C11orf71: variants seen among roughly 807,000 people sequenced by gnomAD.
C11orf71 encodes chromosome 11 open reading frame 71, also known as uncharacterized protein C11orf71.
For missense variants in C11orf71, 179 were observed against 167.6 expected (o/e 1.07, Z -0.38); for synonymous variants, 72 against 73.4 (o/e 0.98, Z 0.09).
downstream of C11orf71, among the ~76,000 whole-genome samples, chr11:114,395,041 T>C (rs1946120369): frequency 6.6e-6 from 1 of 151,682 alleles, no homozygotes; most frequent in African/African-American, 2.4e-5. Flanking sequence ...AGCCTATCCG[T>C]GAAGGTTATT....
At chr11:114,394,194 T>TTTTCC (rs1946097991), downstream of C11orf71, among the ~76,000 whole-genome samples, 1 of 45,334 alleles carries the variant, frequency 2.2e-5, no homozygotes, top group Non-Finnish European at 4.2e-5. Flanking sequence ...TTTTCTTTTC[T>TTTTCC]TTTCTTTTCT....
At chr11:114,397,760 A>C (rs1013298960), downstream of C11orf71, among the ~76,000 whole-genome samples, 3 of 152,180 alleles carry the variant, frequency 2.0e-5, no homozygotes, top group African/African-American at 7.2e-5. Flanking sequence ...ATGCATATTT[A>C]GTGCTGAATC....
At chr11:114,395,384 G>A (rs983589633), downstream of C11orf71, among the ~76,000 whole-genome samples, 11 of 152,192 alleles carry the variant, frequency 7.2e-5, no homozygotes, top group African/African-American at 2.7e-4. Flanking sequence ...GGTTAAGGGC[G>A]TTGCCACAGA....
At chr11:114,392,529 C>CAAAAAAAAAAAA (rs386374967) in intron 1 of C11orf71, among the ~76,000 whole-genome samples, 7 of 51,632 alleles carry the variant, frequency 1.4e-4, no homozygotes, top group Non-Finnish European at 2.0e-4. Flanking sequence ...TAGAATGAGA[C>CAAAAAAAAAAAA]AAAAAAAAAA....
At chr11:114,393,297 G>A (rs536442) in intron 1 of C11orf71, among the ~76,000 whole-genome samples, 5,072 of 152,270 alleles carry the variant, frequency 0.033, 279 homozygotes, top group African/African-American at 0.11. Flanking sequence ...AATTTTACAA[G>A]CTCAAGGTAG....
downstream of C11orf71, among the ~76,000 whole-genome samples, chr11:114,394,847 C>A (rs540493692): frequency 6.6e-6 from 1 of 151,312 alleles, no homozygotes; most frequent in Non-Finnish European, 1.5e-5. Context: ...TAGGAGCTAA[C>A]TTTAGGTTGT....
At position 114,400,211 on chromosome 11, in the gene C11orf71, A is replaced by C. The variant is rs1335785275; in HGVS notation, c.121T>G (p.Phe41Val). The C allele has an allele frequency of 6.2e-7, 1 of 1,613,156 alleles. No homozygotes were observed. The highest frequency in any genetic ancestry group is 1.7e-5 in the Admixed American group (1 of 59,892). The change falls in exon 1 of 1, where the codon TTC becomes GTC. Residue 41 changes from phenylalanine to valine, a missense_variant. Transcript: ENST00000623205. ...ATCGCTTCAGGCCTGGAAACGAGGAAGCCGTCTCCGGAGACCATCGCCAAC... is the reference window on the plus strand; with the variant it reads ...ATCGCTTCAGGCCTGGAAACGAGGACGCCGTCTCCGGAGACCATCGCCAAC... ...SALAMVSGDG[F>V]LVSRPEAIHL...
downstream of C11orf71, among the ~76,000 whole-genome samples, chr11:114,397,080 G>A (rs1946135854): frequency 6.6e-6 from 1 of 152,160 alleles, no homozygotes; most frequent in African/African-American, 2.4e-5. Flanking sequence ...AATAGAGGAA[G>A]TAAATATCTT....
chr11:114,396,653 A>C (rs1946133509), downstream of C11orf71, among the ~76,000 whole-genome samples: 1 of 152,252 alleles, frequency 6.6e-6, no homozygotes, highest in South Asian at 2.1e-4. Flanking sequence ...GGAAATAGGC[A>C]ATGAGGAAAG....
At chr11:114,391,923 T>A (rs529352839) in intron 1 of C11orf71, among the ~76,000 whole-genome samples, 2 of 152,096 alleles carry the variant, frequency 1.3e-5, no homozygotes, top group African/African-American at 4.8e-5. Context: ...TTTTTTTTTT[T>A]TAAAATAAAG....
At chr11:114,392,167 C>G (rs962496984) in intron 1 of C11orf71, among the ~76,000 whole-genome samples, 1 of 152,066 alleles carries the variant, frequency 6.6e-6, no homozygotes, top group African/African-American at 2.4e-5. Context: ...CTTTGGGAAG[C>G]TGAGACTGGC....
downstream of C11orf71, among the ~76,000 whole-genome samples, chr11:114,394,273 T>TGAGACGGAG (rs1565256738): frequency 1.3e-5 from 1 of 78,488 alleles, no homozygotes; most frequent in African/African-American, 7.3e-5. Flanking sequence ...TTTTCTTTTC[T>TGAGACGGAG]TTTCTTTTCT....
At chr11:114,394,217 TC>T (rs1368817374), downstream of C11orf71, among the ~76,000 whole-genome samples, 2 of 57,726 alleles carry the variant, frequency 3.5e-5, no homozygotes, top group African/African-American at 2.0e-4. Flanking sequence ...TCTTTTCTTT[TC>T]TTTTCTTTTC....
At chr11:114,394,651 G>A (rs771191119), downstream of C11orf71, among the ~76,000 whole-genome samples, 23 of 151,230 alleles carry the variant, frequency 1.5e-4, no homozygotes, top group East Asian at 3.9e-4. Flanking sequence ...CTTGTGATCC[G>A]GACTCCTCGG....
At chr11:114,394,244 T>C (rs868588525), downstream of C11orf71, among the ~76,000 whole-genome samples, 18 of 47,660 alleles carry the variant, frequency 3.8e-4, 1 homozygote, top group African/African-American at 3.6e-3. Flanking sequence ...TTTCTTTTCT[T>C]TTCTTTTCTT....
At chr11:114,396,043 C>T (rs1946128913), downstream of C11orf71, among the ~76,000 whole-genome samples, 1 of 152,172 alleles carries the variant, frequency 6.6e-6, no homozygotes, top group Admixed American at 6.5e-5. Flanking sequence ...ACAGGCCCGA[C>T]CAATCGTGCC....
downstream of C11orf71, among the ~76,000 whole-genome samples, chr11:114,394,228 C>CTTTTCTTTTCTTTCTTTTTTTCTTTTCT: frequency 2.1e-5 from 1 of 48,704 alleles, no homozygotes; most frequent in Non-Finnish European, 3.6e-5. Flanking sequence ...CTTTTCTTTT[C>CTTTTCTTTTCTTTCTTTTTTTCTTTTCT]TTTCTTTTCT....
rs1304311052 is a variant in C11orf71, at chr11:114,399,419, A to G, written c.*541T>C. ...TTACAAATATAAAGTAAAAATTTGG[A>G]ACCTTTGCCAAAGAAAGGAATAATA... is the stretch of plus-strand genomic sequence containing the variant. On this transcript the variant is annotated 3_prime_UTR_variant, in exon 1 of 1. Transcript: ENST00000623205. 6.6e-6 allele frequency: 1 copy of G among 152,444 alleles called. No individual in the cohort carries two copies. The allele number at this position is 152,444 out of a possible 1,614,324, so 9.4% of individuals were successfully genotyped here.
chr11:114,400,023 T>G lies in C11orf71; in HGVS notation c.309A>C (p.Arg103Ser). Residue 103 changes from arginine to serine, a missense_variant, in exon 1 of 1, where the codon AGA becomes AGC. Arg to Ser is a moderately radical substitution (Grantham distance 110). Transcript: ENST00000623205. ...CAATCAAACGCTGTTGCAGCACACT[T>G]CTTAGGAGATCGGGTTCAACGGCAG... ...PIPAVEPDLL[R>S]SVLQQRLIAL... is the part of the protein sequence containing the mutation. 6.2e-7 allele frequency: 1 copy of G among 1,613,994 alleles called. No homozygotes were observed. Among genetic ancestry groups the G allele is most frequent in the Non-Finnish European group, 8.5e-7 (1 of 1,179,878 alleles).
Sources: gnomAD v4.1 joint callset for allele counts (sites outside exome capture counted in the v4.1 genomes callset) on GRCh38, gnomAD v4.1.1 for gene constraint, MANE v1.5 for transcripts, NCBI Gene and HGNC (gene_info 2026-07-23, HGNC 2026-07-21) for gene names.